Variants in RADIL observed in about 807,000 individuals in gnomAD.
RADIL encodes the protein Rap associating with DIL domain.
Under a neutral mutation model 97.6 loss-of-function variants are expected in RADIL, and 99 were observed. That is an observed-to-expected ratio of 1.01 (90% confidence interval 0.86 to 1.20). RADIL has a LOEUF of 1.20. Ranked by LOEUF, RADIL falls within the 50% of genes most tolerant of loss-of-function variation. RADIL has a pLI of 0.00. For missense variants in RADIL, 1,765 were observed against 1,498.9 expected (o/e 1.18, Z -2.93); for synonymous variants, 803 against 691.8 (o/e 1.16, Z -2.52).
intron 2 of RADIL, chr7:4,860,676 G>A (rs1255087080): frequency 6.2e-7 from 1 of 1,614,124 alleles, no homozygotes; most frequent in South Asian, 1.1e-5. Context: ...GCACTTGCCA[G>A]AAGTACAATA....
At chr7:4,806,782 G>A (rs1182998717) in intron 9 of RADIL, among the ~76,000 whole-genome samples, 1 of 152,234 alleles carries the variant, frequency 6.6e-6, no homozygotes, top group African/African-American at 2.4e-5. Context: ...TGGTCATCTG[G>A]CTGGCACAGA....
rs532517293 is a variant in RADIL at position 4,834,927 on chromosome 7, C to T, written c.1096G>A (p.Ala366Thr). Reference sequence around the variant, plus strand: ...GCCCGGAGGCGCGCCAAGGCCCGGGCGGGCAGGGGCTGGGCCTGCGCGGGG... The same window carrying T: ...GCCCGGAGGCGCGCCAAGGCCCGGGTGGGCAGGGGCTGGGCCTGCGCGGGG... ...KDPAQAQPLP[A>T]RALARLRAVP... is the part of the protein sequence containing the mutation. The change falls in exon 4 of 15, where the codon GCC becomes ACC. Residue 366 changes from alanine (A) to threonine (T), a missense_variant. Ala to Thr is a moderately conservative substitution (Grantham distance 58). Transcript: ENST00000399583. The surrounding 1 kb of genome is among the most constrained non-coding windows in gnomAD (Gnocchi z 6.0). 116 of 1,575,072 alleles carry T rather than the reference C, an allele frequency of 7.4e-5. No individual in the cohort carries two copies. In the South Asian group the frequency reaches 1.0e-3, roughly 14 times the overall value.
Position 4,835,917 on chromosome 7 carries a change from G to C in RADIL, c.783+441C>G, listed in dbSNP as rs3763386. Among the ~76,000 whole-genome samples, 39,429 of 152,212 alleles carry C rather than the reference G, an allele frequency of 0.26. 5,952 individuals carry two copies. Among genetic ancestry groups the C allele is most frequent in the South Asian group, 0.37 (1,770 of 4,822 alleles). On this transcript the variant is annotated intron_variant, in intron 3 of 14. Transcript: ENST00000399583. This position sits in a 1 kb window ranked among gnomAD's most constrained non-coding sequence, Gnocchi z 5.8. ...GGTGAGAAACGGCTCTGGGCAGATA[G>C]GGGTGGCATGGGCCTTTGCTCGGTG...
chr7:4,806,343 G>T (rs1489393261), intron 9 of RADIL, among the ~76,000 whole-genome samples: 1 of 148,702 alleles, frequency 6.7e-6, no homozygotes, highest in African/African-American at 2.5e-5. Context: ...GTTTTTTTTT[G>T]TAGAGATGGA....
intron 2 of RADIL, chr7:4,861,749 T>TAGCGATTC: frequency 1.3e-6 from 2 of 1,506,176 alleles, no homozygotes; most frequent in Non-Finnish European, 8.9e-7. Flanking sequence ...GGAGACGCCG[T>TAGCGATTC]AGCGATTCGG....
At chr7:4,810,893 T>C (rs1782525441) in intron 9 of RADIL, among the ~76,000 whole-genome samples, 1 of 152,212 alleles carries the variant, frequency 6.6e-6, no homozygotes, top group African/African-American at 2.4e-5. Flanking sequence ...CCCAGCACTT[T>C]GGGAATCTGA....
Position 4,861,377 on chromosome 7 carries a change from T to C in RADIL, c.535+16228A>G, listed in dbSNP as rs1403283915. 1 of 1,614,202 alleles carries C rather than the reference T, an allele frequency of 6.2e-7. No homozygotes were observed. Among genetic ancestry groups the C allele is most frequent in the East Asian group, 2.2e-5 (1 of 44,892 alleles). On this transcript the variant is annotated intron_variant, in intron 2 of 14. Transcript: ENST00000399583. ...TGCCTCCTCGACAGCCCTTAAATCTTTCACTTCCTCCTGTAGTTTCAGTTT... is the reference window on the plus strand; with the variant it reads ...TGCCTCCTCGACAGCCCTTAAATCTCTCACTTCCTCCTGTAGTTTCAGTTT...
Position 4,840,194 on chromosome 7 carries a change from T to C in RADIL, c.536-3589A>G, listed in dbSNP as rs552707918. Reference sequence around the variant, plus strand: ...CCCAGGGGGTCGGCTGTCAGGCTTGTTGGGGGCCGACATGGCCTCCCAAGT... The same window carrying C: ...CCCAGGGGGTCGGCTGTCAGGCTTGCTGGGGGCCGACATGGCCTCCCAAGT... On this transcript the variant is annotated intron_variant, in intron 2 of 14. Coordinates refer to ENST00000399583, the MANE Select transcript of RADIL (RefSeq NM_018059.5). The surrounding 1 kb of genome is among the most constrained non-coding windows in gnomAD (Gnocchi z 5.6). Among the ~76,000 whole-genome samples the C allele has an allele frequency of 6.6e-6, 1 of 152,170 alleles. No homozygotes were observed. Among genetic ancestry groups the C allele is most frequent in the South Asian group, 2.1e-4 (1 of 4,818 alleles).
chr7:4,802,890 GCC>G (rs1562425707), intron 11 of RADIL, among the ~76,000 whole-genome samples: 1 of 102,436 alleles, frequency 9.8e-6, no homozygotes, highest in African/African-American at 5.6e-5. Context: ...TGGCTGGGGG[GCC>G]CCCTCCCCGG....
At chr7:4,805,535 C>T (rs771228570) in intron 10 of RADIL, 31 bp downstream of exon 10, 5 of 1,549,616 alleles carry the variant, frequency 3.2e-6, no homozygotes, top group Admixed American at 3.9e-5. Context: ...ACTGAGTCCC[C>T]AGCCCTCTCC....
rs1783435938 is a variant in RADIL at position 4,841,390 on chromosome 7, G to A, written c.536-4785C>T. On this transcript the variant is annotated intron_variant, in intron 2 of 14. Transcript: ENST00000399583. ...CAGCCAGGGAGGGGAGCCACTGCCA[G>A]GGCACTCCCCCTCCCCCAAAGCCCT... is the stretch of plus-strand genomic sequence containing the variant. Among the ~76,000 whole-genome samples, 4 of 152,318 alleles carry A rather than the reference G, an allele frequency of 2.6e-5. 1 individual carries two copies. Among genetic ancestry groups the A allele is most frequent in the African/African-American group, 9.6e-5 (4 of 41,584 alleles).
chr7:4,862,970 C>G (rs1234345038), intron 2 of RADIL, among the ~76,000 whole-genome samples: 3 of 152,032 alleles, frequency 2.0e-5, no homozygotes, highest in Non-Finnish European at 4.4e-5. Flanking sequence ...CACTATGATT[C>G]CCGAATCAGA....
At chr7:4,860,557 A>G (rs1783960910) in intron 2 of RADIL, 4 of 1,614,088 alleles carry the variant, frequency 2.5e-6, no homozygotes, top group Middle Eastern at 1.6e-4. Flanking sequence ...ATGACTGTGG[A>G]TTCACATGTG....
intron 2 of RADIL, among the ~76,000 whole-genome samples, chr7:4,853,897 A>G (rs1166843565): frequency 2.0e-5 from 3 of 152,148 alleles, no homozygotes; most frequent in Non-Finnish European, 4.4e-5. Flanking sequence ...GCCCTAAGCT[A>G]TTGGTGAGGT....
chr7:4,810,848 A>C (rs1324008321), intron 9 of RADIL, among the ~76,000 whole-genome samples: 1 of 152,166 alleles, frequency 6.6e-6, no homozygotes, highest in African/African-American at 2.4e-5. Flanking sequence ...TAAAACGCTG[A>C]GATTAGGCCG....
Position 4,867,993 on chromosome 7 carries a change from G to A in RADIL, c.535+9612C>T, listed in dbSNP as rs1056078235. ...CTGCATTAGGCATTCGGTCATGGCT[G>A]CAGGCCAGAGTAAACTAACTTTCAT... On this transcript the variant is annotated intron_variant, in intron 2 of 14. Coordinates refer to ENST00000399583, the MANE Select transcript of RADIL (RefSeq NM_018059.5). The surrounding 1 kb of genome is among the most constrained non-coding windows in gnomAD (Gnocchi z 4.1). Among the ~76,000 whole-genome samples, 1 of 152,228 alleles carries A rather than the reference G, an allele frequency of 6.6e-6. No homozygotes were observed. The highest frequency in any genetic ancestry group is 1.9e-4 in the East Asian group (1 of 5,196).
At chr7:4,866,099 G>A (rs1020629425) in intron 2 of RADIL, among the ~76,000 whole-genome samples, 1 of 152,138 alleles carries the variant, frequency 6.6e-6, no homozygotes, top group African/African-American at 2.4e-5. Flanking sequence ...GACTGTATAT[G>A]TTTTTTGAGT....
Position 4,883,019 on chromosome 7 carries a change from A to G in RADIL, c.-65+577T>C, listed in dbSNP as rs1195669617. 6.6e-6 allele frequency among the ~76,000 whole-genome samples: 1 copy of G among 152,104 alleles called. No individual in the cohort carries two copies. Among genetic ancestry groups the G allele is most frequent in the Non-Finnish European group, 1.5e-5 (1 of 68,008 alleles). Reference sequence around the variant, plus strand: ...CAGCATCTGTTATCTTGGATGCAGTATTTGTCGAGGGGCTGGAAATGGTAC... The same window carrying G: ...CAGCATCTGTTATCTTGGATGCAGTGTTTGTCGAGGGGCTGGAAATGGTAC... On this transcript the variant is annotated intron_variant, in intron 1 of 14. Coordinates refer to ENST00000399583, the MANE Select transcript of RADIL (RefSeq NM_018059.5). The surrounding 1 kb of genome is among the most constrained non-coding windows in gnomAD (Gnocchi z 7.1).
At position 4,832,136 on chromosome 7, in the gene RADIL, C is replaced by G; in HGVS notation, c.1454+5G>C. ...AGGCGGGCACAATAACCGGGTCATACTCACAGTTGCGCCTGCTTCTCTGCT... is the reference window on the plus strand; with the variant it reads ...AGGCGGGCACAATAACCGGGTCATAGTCACAGTTGCGCCTGCTTCTCTGCT... On this transcript the variant is annotated splice_donor_5th_base_variant and intron_variant, in intron 5 of 14. Coordinates refer to ENST00000399583, the MANE Select transcript of RADIL (RefSeq NM_018059.5). 1.2e-6 allele frequency: 2 copies of G among 1,608,520 alleles called. No homozygotes were observed. The highest frequency in any genetic ancestry group is 1.7e-4 in the Middle Eastern group (1 of 6,034).
Sources: gnomAD v4.1 joint callset for allele counts (sites outside exome capture counted in the v4.1 genomes callset) on GRCh38, gnomAD v4.1.1 for gene constraint, Gnocchi (gnomAD v3.1) non-coding constraint, MANE v1.5 for transcripts, NCBI Gene and HGNC (gene_info 2026-07-23, HGNC 2026-07-21) for gene names.